MTHFD2L: variants seen among roughly 807,000 people sequenced by gnomAD.
MTHFD2L encodes the protein bifunctional methylenetetrahydrofolate dehydrogenase/cyclohydrolase 2, mitochondrial.
MTHFD2L carries 29 observed loss-of-function variants against 34.9 expected under a neutral mutation model. The observed-to-expected ratio is 0.83, with a 90% CI of 0.62 to 1.13. The LOEUF (loss-of-function observed/expected upper bound fraction) is 1.13. Among genes scored for constraint, MTHFD2L ranks in the 50% most tolerant of loss-of-function variants. The pLI, the probability that MTHFD2L is intolerant of heterozygous loss-of-function variation, is 0.00. For missense variants in MTHFD2L, 481 were observed against 446.5 expected, an observed-to-expected ratio of 1.08 and a Z score of -0.70; for synonymous variants, 167 against 155.7, an observed-to-expected ratio of 1.07 and a Z score of -0.54.
chr4:74,249,685 A>T (rs937148353), intron 6 of MTHFD2L, among the ~76,000 whole-genome samples: 1 of 152,128 alleles, frequency 6.6e-6, no homozygotes, highest in African/African-American at 2.4e-5. Flanking sequence ...GGTGGTGACA[A>T]AATCTCTCAG....
At chr4:74,123,307 T>C (rs965668430), upstream of MTHFD2L, 1 of 152,192 alleles carries the variant, frequency 6.6e-6, no homozygotes, top group Non-Finnish European at 1.5e-5. Context: ...AGCACTCCAG[T>C]GTCTAGGGAC....
chr4:74,282,810 G>A (rs1747675785), intron 7 of MTHFD2L, among the ~76,000 whole-genome samples: 1 of 152,086 alleles, frequency 6.6e-6, no homozygotes, highest in Non-Finnish European at 1.5e-5. Context: ...AGCAAGGCTG[G>A]CTCTTGACAT....
chr4:74,220,148 A>C (rs968140275), intron 5 of MTHFD2L, among the ~76,000 whole-genome samples: 1 of 150,730 alleles, frequency 6.6e-6, no homozygotes, highest in South Asian at 2.1e-4. Context: ...AGAACACTTG[A>C]GTGGGTTGTT....
At chr4:74,267,709 A>C (rs1208641300) in intron 6 of MTHFD2L, 1 of 985,272 alleles carries the variant, frequency 1.0e-6, no homozygotes, top group Non-Finnish European at 1.2e-6. Context: ...TTCTGGGATT[A>C]CAGGTGCCCT....
At chr4:74,189,211 A>G (rs1426352901) in intron 3 of MTHFD2L, among the ~76,000 whole-genome samples, 2 of 152,164 alleles carry the variant, frequency 1.3e-5, no homozygotes, top group African/African-American at 4.8e-5. Context: ...CCCATGAATT[A>G]TGATTAATCC....
At chr4:74,283,303 A>C (rs1015475429) in intron 7 of MTHFD2L, among the ~76,000 whole-genome samples, 1 of 152,178 alleles carries the variant, frequency 6.6e-6, no homozygotes, top group African/African-American at 2.4e-5. Flanking sequence ...TACTGAAAGT[A>C]AAAAGTATTC....
At chr4:74,114,748 T>G (rs1363293688) in intron 2 of MTHFD2L, 1 of 152,208 alleles carries the variant, frequency 6.6e-6, no homozygotes, top group Non-Finnish European at 1.5e-5. Flanking sequence ...AGCATACAAA[T>G]TAATGTCTAG....
chr4:74,183,268 A>G (rs948391592), intron 3 of MTHFD2L: 3 of 152,200 alleles, frequency 2.0e-5, no homozygotes, highest in Non-Finnish European at 4.4e-5. Context: ...ATACCTAGTG[A>G]AAATACCTTC....
rs561122153 is a variant in MTHFD2L, at chr4:74,215,325, G to A, written c.713-9977G>A. Among the ~76,000 whole-genome samples the A allele has an allele frequency of 1.2e-3, 181 of 151,962 alleles. 5 individuals carry two copies. The highest frequency in any genetic ancestry group is 4.3e-3 in the African/African-American group (177 of 41,242). On this transcript the variant is annotated intron_variant, in intron 5 of 7. Coordinates refer to ENST00000325278, the MANE Select transcript of MTHFD2L (RefSeq NM_001144978.3). The stretch of plus-strand genomic sequence containing the variant: ...GCTTGAAACCCAGGGCCCTAGTGGC[G>A]TAGGCACCCGAGGGAATCTCCTGGT...
chr4:74,273,578 G>T (rs576177090), intron 6 of MTHFD2L, among the ~76,000 whole-genome samples: 1 of 152,136 alleles, frequency 6.6e-6, no homozygotes, highest in South Asian at 2.1e-4. Flanking sequence ...GTACACTTCT[G>T]TTCATATCAA....
At chr4:74,272,404 T>C (rs1746110052) in intron 6 of MTHFD2L, among the ~76,000 whole-genome samples, 1 of 152,208 alleles carries the variant, frequency 6.6e-6, no homozygotes, top group African/African-American at 2.4e-5. Context: ...AAGGTTGTTC[T>C]TTTAACATTA....
intron 5 of MTHFD2L, among the ~76,000 whole-genome samples, chr4:74,208,418 A>G (rs996757825): frequency 1.3e-4 from 20 of 152,218 alleles, no homozygotes; most frequent in African/African-American, 4.8e-4. Flanking sequence ...AACTGGCACT[A>G]TCACACTGTT....
intron 6 of MTHFD2L, among the ~76,000 whole-genome samples, chr4:74,227,446 C>T (rs966339209): frequency 6.6e-6 from 1 of 151,922 alleles, no homozygotes; most frequent in Non-Finnish European, 1.5e-5. Flanking sequence ...ATGGAGATAC[C>T]GACAGAAGCA....
At chr4:74,162,665 A>G (rs528906386) in intron 1 of MTHFD2L, among the ~76,000 whole-genome samples, 1 of 152,176 alleles carries the variant, frequency 6.6e-6, no homozygotes, top group Non-Finnish European at 1.5e-5. Flanking sequence ...TTTTGCATAT[A>G]CAGTATGTCC....
chr4:74,203,427 G>T lies in MTHFD2L; in HGVS notation c.712+2057G>T, dbSNP rs62312491. Among the ~76,000 whole-genome samples, 772 of 152,210 alleles carry T rather than the reference G, an allele frequency of 5.1e-3. 2 individuals are homozygous for T. Among genetic ancestry groups the T allele is most frequent in the Non-Finnish European group, 6.7e-3 (459 of 68,030 alleles). ...AAGCAAGGTGTATTAGTCTGTTCTT[G>T]CATTGCTGTAAAGAAATACCTAAGA... On this transcript the variant is annotated intron_variant, in intron 5 of 7. Coordinates refer to ENST00000325278, the MANE Select transcript of MTHFD2L (RefSeq NM_001144978.3).
At chr4:74,147,640 T>C (rs1723675877) in intron 1 of MTHFD2L, among the ~76,000 whole-genome samples, 1 of 152,224 alleles carries the variant, frequency 6.6e-6, no homozygotes, top group African/African-American at 2.4e-5. Flanking sequence ...TCTACCTCAA[T>C]CTCATCTTTC....
chr4:74,274,848 C>G (rs1382126011), intron 6 of MTHFD2L, among the ~76,000 whole-genome samples: 6 of 152,124 alleles, frequency 3.9e-5, no homozygotes, highest in African/African-American at 1.4e-4. Context: ...GATAGTTTTT[C>G]TCCTGGAGAG....
At chr4:74,149,878 T>C (rs1723826300) in intron 1 of MTHFD2L, among the ~76,000 whole-genome samples, 2 of 152,218 alleles carry the variant, frequency 1.3e-5, no homozygotes, top group Admixed American at 1.3e-4. Flanking sequence ...ATGGTACTAT[T>C]ACAGATGTGA....
At chr4:74,248,263 T>C (rs1217951792) in intron 6 of MTHFD2L, among the ~76,000 whole-genome samples, 1 of 152,224 alleles carries the variant, frequency 6.6e-6, no homozygotes, top group African/African-American at 2.4e-5. Flanking sequence ...CTAGTTTATT[T>C]GCATAGAGGT....
Sources: allele counts gnomAD v4.1 joint callset (sites outside exome capture counted in the v4.1 genomes callset), GRCh38; gene constraint gnomAD v4.1.1; transcripts MANE v1.5; gene names NCBI Gene and HGNC (gene_info 2026-07-23, HGNC 2026-07-21).